The following THSD4 variants were observed in gnomAD, a reference collection of about 807,000 sequenced individuals.
THSD4 encodes thrombospondin type 1 domain containing 4, also known as thrombospondin type-1 domain-containing protein 4.
Under a neutral mutation model 119.0 loss-of-function variants are expected in THSD4, and 69 were observed. The ratio of observed to expected loss-of-function variants is 0.58; its 90% CI spans 0.48 to 0.71. The LOEUF (loss-of-function observed/expected upper bound fraction) is 0.71. Ranked by LOEUF, THSD4 falls within the 30% of genes least tolerant of loss-of-function variation. The pLI is 0.00. For synonymous variants in THSD4, 524 were observed against 540.4 expected, an observed-to-expected ratio of 0.97 and a Z score of 0.42; for missense variants, 1,393 against 1,391.1, an observed-to-expected ratio of 1.00 and a Z score of -0.02.
At chr15:71,162,528 G>A (rs908254943) in intron 3 of THSD4, among the ~76,000 whole-genome samples, 5 of 151,944 alleles carry the variant, frequency 3.3e-5, no homozygotes, top group Non-Finnish European at 7.4e-5. Flanking sequence ...ACTCTTGTAT[G>A]TAACTTGATG....
At chr15:71,427,368 C>T (rs1223613598) in intron 7 of THSD4, among the ~76,000 whole-genome samples, 1 of 150,026 alleles carries the variant, frequency 6.7e-6, no homozygotes, top group Non-Finnish European at 1.5e-5. Flanking sequence ...AGCAAAAGAA[C>T]TGATGAATGC....
chr15:71,400,540 T>C (rs2046514668), intron 6 of THSD4, among the ~76,000 whole-genome samples: 1 of 152,164 alleles, frequency 6.6e-6, no homozygotes, highest in South Asian at 2.1e-4. Context: ...CAATAATACG[T>C]AGATAATGCA....
intron 10 of THSD4, chr15:71,732,915 G>A (rs532297826): frequency 1.3e-5 from 2 of 152,310 alleles, no homozygotes; most frequent in South Asian, 4.1e-4. Flanking sequence ...ACAGACTGGG[G>A]AGGACAACAG....
chr15:71,762,170 C>CAA (rs2053637575), intron 15 of THSD4, among the ~76,000 whole-genome samples: 1 of 134,642 alleles, frequency 7.4e-6, no homozygotes, highest in South Asian at 2.4e-4. Context: ...CACACACACA[C>CAA]ACACACACAG....
intron 7 of THSD4, among the ~76,000 whole-genome samples, chr15:71,649,772 A>AT (rs1266940490): frequency 6.6e-6 from 1 of 152,184 alleles, no homozygotes; most frequent in African/African-American, 2.4e-5. Flanking sequence ...TCTTGAGTTG[A>AT]TTTTTTATAT....
At position 71,576,886 on chromosome 15, in the gene THSD4, T is replaced by C. The variant is rs1242361311; in HGVS notation, c.1153-83644T>C. ...CTTTGTTATACCCTTAAGCTTGATA[T>C]CTTTTCTGTTTCCTGGTTTCTTCCA... On this transcript the variant is annotated intron_variant, in intron 7 of 17. Coordinates refer to ENST00000261862, the MANE Select transcript of THSD4 (RefSeq NM_024817.3). 3.9e-5 allele frequency among the ~76,000 whole-genome samples: 6 copies of C among 152,342 alleles called. 1 individual carries two copies. In the South Asian group the frequency reaches 6.2e-4, roughly 16 times the overall value.
chr15:71,406,669 T>C (rs974876714), intron 6 of THSD4, among the ~76,000 whole-genome samples: 1 of 150,410 alleles, frequency 6.6e-6, no homozygotes, highest in African/African-American at 2.4e-5. Flanking sequence ...TGTGTGTGTG[T>C]GTGTGTGTGT....
chr15:71,408,275 C>G (rs2046635001), intron 6 of THSD4, among the ~76,000 whole-genome samples: 1 of 152,162 alleles, frequency 6.6e-6, no homozygotes, highest in African/African-American at 2.4e-5. Flanking sequence ...CTCTGTCATC[C>G]AGGCTGGAGT....
At chr15:71,312,782 C>T (rs1014902997) in intron 6 of THSD4, among the ~76,000 whole-genome samples, 18 of 152,228 alleles carry the variant, frequency 1.2e-4, no homozygotes, top group South Asian at 6.2e-4. Flanking sequence ...TTTGCACTTG[C>T]TCTTTGTGCT....
intron 7 of THSD4, among the ~76,000 whole-genome samples, chr15:71,629,682 C>T (rs1369451720): frequency 6.6e-6 from 1 of 152,280 alleles, no homozygotes; most frequent in African/African-American, 2.4e-5. Context: ...TCCCCACACC[C>T]CACTCCACAT....
intron 1 of THSD4, among the ~76,000 whole-genome samples, chr15:71,123,992 A>G (rs1191764506): frequency 6.6e-6 from 1 of 152,160 alleles, no homozygotes; most frequent in Non-Finnish European, 1.5e-5. Context: ...CCCACTTGGT[A>G]TCTCGTGATG....
Position 71,756,354 on chromosome 15 carries a change from T to C in THSD4, c.2416-1548T>C, listed in dbSNP as rs548701909. Among the ~76,000 whole-genome samples the C allele has an allele frequency of 3.9e-5, 6 of 152,266 alleles. No homozygotes were observed. The East Asian group carries it at 9.6e-4, about 24-fold the overall frequency. ...TGGAAGCAAGAGGGTAGGAGAATAG[T>C]CAACTTTTAAATCCAGGTAGAAACT... On this transcript the variant is annotated intron_variant, in intron 14 of 17. Coordinates refer to ENST00000261862, the MANE Select transcript of THSD4 (RefSeq NM_024817.3).
intron 7 of THSD4, among the ~76,000 whole-genome samples, chr15:71,589,056 G>T (rs2140868786): frequency 6.6e-6 from 1 of 152,262 alleles, no homozygotes; most frequent in East Asian, 1.9e-4. Context: ...TTTTGCTGGA[G>T]AGTGATTTAA....
At chr15:71,772,753 G>T (rs1036290372) in intron 17 of THSD4, among the ~76,000 whole-genome samples, 1 of 152,168 alleles carries the variant, frequency 6.6e-6, no homozygotes, top group African/African-American at 2.4e-5. Flanking sequence ...CTTTATAAAG[G>T]AAAGTTAAGT....
intron 1 of THSD4, among the ~76,000 whole-genome samples, chr15:71,107,923 C>G (rs1213458449): frequency 1.3e-5 from 2 of 152,196 alleles, no homozygotes; most frequent in African/African-American, 4.8e-5. Context: ...GGCTAGTACC[C>G]AGATGAAAAC....
At chr15:71,652,979 A>AT (rs757126593) in intron 7 of THSD4, among the ~76,000 whole-genome samples, 1 of 152,168 alleles carries the variant, frequency 6.6e-6, no homozygotes, top group Non-Finnish European at 1.5e-5. Flanking sequence ...AGGATTCTTC[A>AT]TATCAGGGCT....
intron 7 of THSD4, among the ~76,000 whole-genome samples, chr15:71,490,602 C>T (rs188917484): frequency 1.4e-5 from 2 of 141,378 alleles, no homozygotes; most frequent in East Asian, 4.0e-4. Context: ...CATGGTGGTG[C>T]ATGCCTGTAA....
chr15:71,634,187 C>CA lies in THSD4; in HGVS notation c.1153-26327dup, dbSNP rs60080654. ...GGGCAACAAGAGTGAAACTCCGTCTCAAAAAAAAAAAAAAAAGAAAAAGAA... is the reference window on the plus strand; with the variant it reads ...GGGCAACAAGAGTGAAACTCCGTCTCAAAAAAAAAAAAAAAAAGAAAAAGAA... On this transcript the variant is annotated intron_variant, in intron 7 of 17. Coordinates refer to ENST00000261862, the MANE Select transcript of THSD4 (RefSeq NM_024817.3). 1.9e-3 allele frequency among the ~76,000 whole-genome samples: 241 copies of CA among 126,070 alleles called. 1 individual carries two copies. The highest frequency in any genetic ancestry group is 5.0e-3 in the African/African-American group (161 of 32,418). The allele number at this position is 126,070 out of a possible 152,430, so 82.7% of individuals were successfully genotyped here. A position where few individuals can be genotyped will look rare whatever the true frequency, so the allele number is the denominator to read the frequency against.
intron 7 of THSD4, among the ~76,000 whole-genome samples, chr15:71,439,176 G>A (rs8025197): frequency 0.27 from 41,586 of 152,114 alleles, 5,964 homozygotes; most frequent in Middle Eastern, 0.35. Flanking sequence ...TTGAGGAACC[G>A]TCTTCTGCCA....
Sources: allele counts gnomAD v4.1 joint callset (sites outside exome capture counted in the v4.1 genomes callset), GRCh38; gene constraint gnomAD v4.1.1; transcripts MANE v1.5; gene names NCBI Gene and HGNC (gene_info 2026-07-23, HGNC 2026-07-21).